Variants in TRDN observed in about 807,000 individuals in gnomAD.
TRDN encodes triadin.
In TRDN, 161 loss-of-function variants were observed where a neutral mutation model predicts 149.7. That is an observed-to-expected ratio of 1.08 (90% CI 0.95 to 1.23). The LOEUF is 1.23. Ranked by LOEUF, TRDN falls within the 50% of genes most tolerant of loss-of-function variation. The probability of loss-of-function intolerance (pLI) is 0.00; values close to 1 mark genes in which losing one functional copy is unlikely to be tolerated. For synonymous variants in TRDN, 294 were observed against 250.5 expected (o/e 1.17, Z -1.64); for missense variants, 896 against 823.5 (o/e 1.09, Z -1.08).
intron 2 of TRDN, among the ~76,000 whole-genome samples, chr6:123,554,393 T>C (rs375513004): frequency 6.6e-6 from 1 of 152,148 alleles, no homozygotes; most frequent in Non-Finnish European, 1.5e-5. Context: ...CTAATTTTGG[T>C]ATGTGAGGAA....
At chr6:123,402,971 T>C (rs1158600436) in intron 12 of TRDN, among the ~76,000 whole-genome samples, 3 of 152,158 alleles carry the variant, frequency 2.0e-5, no homozygotes, top group African/African-American at 4.8e-5. Context: ...TGGTACAAAT[T>C]TAAATGAAAA....
intron 1 of TRDN, among the ~76,000 whole-genome samples, chr6:123,585,217 A>G (rs202045909): frequency 0.2 from 29,063 of 147,446 alleles, 3,610 homozygotes; most frequent in East Asian, 0.48. Context: ...TGTAGCTGTA[A>G]TCCAGGAATA....
intron 24 of TRDN, among the ~76,000 whole-genome samples, chr6:123,311,573 G>A (rs1215445852): frequency 6.6e-6 from 1 of 151,934 alleles, no homozygotes; most frequent in Non-Finnish European, 1.5e-5. Flanking sequence ...TGTTGAAGTG[G>A]TCTACTTGCC....
chr6:123,446,331 A>C (rs1396806382), intron 10 of TRDN, among the ~76,000 whole-genome samples: 1 of 152,096 alleles, frequency 6.6e-6, no homozygotes, highest in Non-Finnish European at 1.5e-5. Context: ...GCACATGTGT[A>C]CATATGTAAC....
chr6:123,415,961 G>C (rs1773632692), intron 12 of TRDN, among the ~76,000 whole-genome samples: 1 of 152,162 alleles, frequency 6.6e-6, no homozygotes, highest in Admixed American at 6.5e-5. Flanking sequence ...ATTATTGAAA[G>C]TTTTAGCACT....
At chr6:123,408,101 G>A (rs903212168) in intron 12 of TRDN, among the ~76,000 whole-genome samples, 2 of 152,090 alleles carry the variant, frequency 1.3e-5, no homozygotes, top group African/African-American at 2.4e-5. Flanking sequence ...CTGGTTTTAT[G>A]CTGGTACTAA....
intron 1 of TRDN, among the ~76,000 whole-genome samples, chr6:123,600,875 T>C (rs569107050): frequency 2.0e-4 from 31 of 152,248 alleles, no homozygotes; most frequent in Admixed American, 1.4e-3. Context: ...CAATTACATC[T>C]ATTGAATAGT....
intron 38 of TRDN, among the ~76,000 whole-genome samples, chr6:123,249,142 C>T (rs1282406396): frequency 6.6e-6 from 1 of 152,092 alleles, no homozygotes; most frequent in Non-Finnish European, 1.5e-5. Context: ...AATGAACAGA[C>T]ATCTCGCAAA....
At chr6:123,525,702 T>TA (rs969693377) in intron 5 of TRDN, among the ~76,000 whole-genome samples, 3 of 151,910 alleles carry the variant, frequency 2.0e-5, no homozygotes, top group East Asian at 3.9e-4. Flanking sequence ...AAAAGTTTTT[T>TA]AAAAAAAACT....
At chr6:123,303,568 C>T (rs1416500605) in intron 24 of TRDN, among the ~76,000 whole-genome samples, 1 of 151,952 alleles carries the variant, frequency 6.6e-6, no homozygotes, top group African/African-American at 2.4e-5. Flanking sequence ...TGATGAAATT[C>T]GAGGTTAGAT....
chr6:123,332,202 G>A (rs1779684729), intron 22 of TRDN, among the ~76,000 whole-genome samples: 1 of 152,008 alleles, frequency 6.6e-6, no homozygotes, highest in South Asian at 2.1e-4. Flanking sequence ...TGGATGGATA[G>A]GACCTTATTT....
chr6:123,453,226 C>G (rs1358544107), intron 10 of TRDN, among the ~76,000 whole-genome samples: 1 of 152,072 alleles, frequency 6.6e-6, no homozygotes, highest in Non-Finnish European at 1.5e-5. Context: ...AACCCAAAAG[C>G]AAATGCAATA....
At chr6:123,461,901 A>C (rs1235372662) in intron 10 of TRDN, among the ~76,000 whole-genome samples, 3 of 152,224 alleles carry the variant, frequency 2.0e-5, no homozygotes, top group Admixed American at 6.5e-5. Flanking sequence ...GGATAACTAC[A>C]GTGTCCCTTT....
intron 20 of TRDN, among the ~76,000 whole-genome samples, chr6:123,359,284 T>C (rs1234707102): frequency 2.6e-5 from 4 of 152,190 alleles, no homozygotes; most frequent in Non-Finnish European, 5.9e-5. Context: ...TATAGGATTG[T>C]TGTAGCATAG....
chr6:123,239,469 T>C (rs1775908856), intron 38 of TRDN, among the ~76,000 whole-genome samples: 1 of 152,144 alleles, frequency 6.6e-6, no homozygotes, highest in East Asian at 1.9e-4. Flanking sequence ...CTCAATCATA[T>C]ATACAGTATT....
At chr6:123,274,710 A>T (rs1562241140) in intron 26 of TRDN, 40 bp from the exon 27 acceptor site, 1 of 1,530,928 alleles carries the variant, frequency 6.5e-7, no homozygotes, top group Non-Finnish European at 9.0e-7. Flanking sequence ...AACCTGAAAA[A>T]ATAAACTAGA....
chr6:123,380,107 T>C (rs569322414), intron 16 of TRDN, among the ~76,000 whole-genome samples: 118 of 152,194 alleles, frequency 7.8e-4, no homozygotes, highest in Non-Finnish European at 1.4e-3. Flanking sequence ...AAAGAACTGA[T>C]AGGTGTTTTG....
At chr6:123,611,237 A>T (rs960363213) in intron 1 of TRDN, among the ~76,000 whole-genome samples, 1 of 152,190 alleles carries the variant, frequency 6.6e-6, no homozygotes, top group Non-Finnish European at 1.5e-5. Context: ...TTTAAATTCT[A>T]AATCTGATAA....
intron 30 of TRDN, among the ~76,000 whole-genome samples, chr6:123,270,913 T>C (rs1777184706): frequency 6.6e-6 from 1 of 151,992 alleles, no homozygotes; most frequent in Non-Finnish European, 1.5e-5. Context: ...TCAATCACAC[T>C]TAAAGTTATG....
Sources: gnomAD v4.1 joint callset for allele counts (sites outside exome capture counted in the v4.1 genomes callset) on GRCh38, gnomAD v4.1.1 for gene constraint, MANE v1.5 for transcripts, NCBI Gene and HGNC (gene_info 2026-07-23, HGNC 2026-07-21) for gene names.